The following RBM6 variants were observed in gnomAD, a reference collection of about 807,000 sequenced individuals.
RBM6 encodes RNA binding motif protein 6, also known as RNA-binding protein 6.
Under a neutral mutation model 140.4 loss-of-function variants are expected in RBM6, and 23 were observed. The ratio of observed to expected loss-of-function variants is 0.16; its 90% CI spans 0.12 to 0.23. The LOEUF (loss-of-function observed/expected upper bound fraction) is 0.23. Among genes scored for constraint, RBM6 ranks in the 10% least tolerant of loss-of-function variants. RBM6 has a pLI of 1.00. For missense variants in RBM6, 1,139 were observed against 1,386.7 expected (o/e 0.82, Z 2.84); for synonymous variants, 439 against 475.6 (o/e 0.92, Z 1.00).
chr3:49,992,111 C>T (rs2085856154), intron 5 of RBM6, among the ~76,000 whole-genome samples: 1 of 151,988 alleles, frequency 6.6e-6, no homozygotes, highest in Non-Finnish European at 1.5e-5. Context: ...ACCACGACAC[C>T]TGGCTGATTT....
intron 1 of RBM6, among the ~76,000 whole-genome samples, chr3:49,957,773 A>G (rs2084065151): frequency 6.6e-6 from 1 of 151,750 alleles, no homozygotes; most frequent in African/African-American, 2.4e-5. Flanking sequence ...ACAAAGCAAA[A>G]TTGCAATAAT....
intron 5 of RBM6, among the ~76,000 whole-genome samples, chr3:49,980,406 A>G (rs1156250945): frequency 6.6e-6 from 1 of 152,164 alleles, no homozygotes; most frequent in Non-Finnish European, 1.5e-5. Context: ...AATACTTGCT[A>G]TAAATGGAGA....
At chr3:49,959,128 G>A (rs751908169) in intron 1 of RBM6, among the ~76,000 whole-genome samples, 1 of 149,780 alleles carries the variant, frequency 6.7e-6, no homozygotes, top group African/African-American at 2.5e-5. Context: ...TACAAGGTCT[G>A]TATAGTGGTA....
At chr3:50,019,123 C>T (rs1205001969) in intron 6 of RBM6, among the ~76,000 whole-genome samples, 2 of 151,982 alleles carry the variant, frequency 1.3e-5, no homozygotes, top group Non-Finnish European at 2.9e-5. Flanking sequence ...GCAGCCTCCG[C>T]CTCCCAGGTT....
intron 6 of RBM6, among the ~76,000 whole-genome samples, chr3:50,019,021 A>T (rs2087339000): frequency 6.6e-6 from 1 of 151,446 alleles, no homozygotes; most frequent in South Asian, 2.1e-4. Flanking sequence ...GATGGTAGCC[A>T]TTTTTATTTT....
intron 1 of RBM6, 136 bp from the exon 2 acceptor site, chr3:49,962,440 A>AG: frequency 1.8e-6 from 1 of 564,974 alleles, no homozygotes; most frequent in East Asian, 3.2e-5. Flanking sequence ...TCAAAAAAAA[A>AG]AAAGAAAAGA....
intron 6 of RBM6, among the ~76,000 whole-genome samples, chr3:50,035,208 T>A (rs1229275520): frequency 6.6e-6 from 1 of 152,050 alleles, no homozygotes; most frequent in Non-Finnish European, 1.5e-5. Context: ...AGGCAAGTTT[T>A]ACAACAGGAG....
At chr3:50,042,744 T>C (rs974773417) in intron 6 of RBM6, among the ~76,000 whole-genome samples, 3 of 151,728 alleles carry the variant, frequency 2.0e-5, no homozygotes, top group African/African-American at 7.3e-5. Flanking sequence ...CGAGACCCTG[T>C]CTTTTTTTTA....
chr3:50,008,411 G>C (rs189640872), intron 6 of RBM6, among the ~76,000 whole-genome samples: 1 of 152,148 alleles, frequency 6.6e-6, no homozygotes, highest in Admixed American at 6.5e-5. Flanking sequence ...TTCAGGGGTC[G>C]TACAAAGGCA....
chr3:50,016,796 A>G (rs561164370), intron 6 of RBM6, among the ~76,000 whole-genome samples: 5 of 146,222 alleles, frequency 3.4e-5, no homozygotes, highest in Admixed American at 2.0e-4. Flanking sequence ...TCAGCCTCCC[A>G]GGTAGCTGGT....
In RBM6 at chr3:49,972,117, G is replaced by A. The variant is rs1466924469; in HGVS notation, c.1382G>A (p.Ser461Asn). 2.5e-6 allele frequency: 4 copies of A among 1,613,202 alleles called. No homozygotes were observed. The highest frequency in any genetic ancestry group is 2.5e-6 in the Non-Finnish European group (3 of 1,179,364). Residue 461 changes from serine (S) to asparagine (N), a missense_variant, in exon 4 of 21, where the codon AGT (serine) becomes AAT (asparagine). This residue lies in a region of RBM6 where 566 missense variants were observed against 612.7 expected (regional missense o/e 0.92). Transcript: ENST00000266022. ...AAACCCAGCAGGCTTATTCGATTAA[G>A]TGGGGTACCTGAAGATGCCACAAAA... Reference protein sequence around the residue: ...EEKPSRLIRLSGVPEDATKEE... With the variant: ...EEKPSRLIRLNGVPEDATKEE...
At chr3:50,050,666 G>GC (rs1250089522) in intron 7 of RBM6, among the ~76,000 whole-genome samples, 1 of 152,168 alleles carries the variant, frequency 6.6e-6, no homozygotes, top group Non-Finnish European at 1.5e-5. Flanking sequence ...ATAGACCACA[G>GC]CTGTACCATT....
chr3:49,940,408 G>C (rs1354054118), intron 1 of RBM6, 183 bp downstream of exon 1: 1 of 153,176 alleles, frequency 6.5e-6, no homozygotes, highest in Non-Finnish European at 1.5e-5. Context: ...GGCGCCGCCC[G>C]TGGCAGGAAC....
At chr3:49,969,047 C>G (rs1294370901) in intron 3 of RBM6, among the ~76,000 whole-genome samples, 1 of 149,024 alleles carries the variant, frequency 6.7e-6, no homozygotes, top group African/African-American at 2.5e-5. Context: ...ATTTTTGAAA[C>G]GGAGTCTTGC....
Position 49,974,842 on chromosome 3 carries a change from A to G in RBM6, c.1414-481A>G, listed in dbSNP as rs548650304. Among the ~76,000 whole-genome samples, 49 of 151,242 alleles carry G rather than the reference A, an allele frequency of 3.2e-4. No homozygotes were observed. The South Asian group carries it at 8.4e-3, about 26-fold the overall frequency. The stretch of plus-strand genomic sequence containing the variant: ...GCTGGGATTACAGGTGTGTGCCACC[A>G]CACCAGGCTAATTTTTGTATTTTTA... On this transcript the variant is annotated intron_variant, in intron 4 of 20. Transcript: ENST00000266022.
intron 6 of RBM6, among the ~76,000 whole-genome samples, chr3:50,020,054 G>A (rs2087399177): frequency 6.6e-6 from 1 of 151,854 alleles, no homozygotes; most frequent in Non-Finnish European, 1.5e-5. Flanking sequence ...AAGTAGCTAG[G>A]ACTACAGGCA....
At chr3:49,952,836 T>C (rs145581233) in intron 1 of RBM6, among the ~76,000 whole-genome samples, 1 of 152,296 alleles carries the variant, frequency 6.6e-6, no homozygotes, top group East Asian at 1.9e-4. Flanking sequence ...TCATTTTTTA[T>C]ATATTTTAGA....
At chr3:50,064,442 A>G (rs1477328589) in intron 15 of RBM6, among the ~76,000 whole-genome samples, 4 of 152,222 alleles carry the variant, frequency 2.6e-5, no homozygotes, top group East Asian at 1.9e-4. Context: ...GAAGAAGACA[A>G]TGTTTATATA....
At chr3:49,985,513 C>T (rs1221427629) in intron 5 of RBM6, among the ~76,000 whole-genome samples, 3 of 152,072 alleles carry the variant, frequency 2.0e-5, no homozygotes, top group Non-Finnish European at 4.4e-5. Context: ...TAAATATAAG[C>T]CTTCTTAGGA....
Sources: gnomAD v4.1 joint callset for allele counts (sites outside exome capture counted in the v4.1 genomes callset) on GRCh38, gnomAD v4.1.1 for gene constraint, gnomAD v4.1.1 regional missense constraint, MANE v1.5 for transcripts, NCBI Gene and HGNC (gene_info 2026-07-23, HGNC 2026-07-21) for gene names.